LPIN3: variants seen among roughly 807,000 people sequenced by gnomAD.
LPIN3 encodes the protein lipin 3.
In LPIN3, 82 loss-of-function variants were observed where a neutral mutation model predicts 94.7. The ratio of observed to expected loss-of-function variants is 0.87; its 90% CI spans 0.72 to 1.04. LPIN3 has a LOEUF of 1.04. LPIN3 is among the 50% of genes least tolerant of loss of function. LPIN3 has a pLI of 0.00. For synonymous variants in LPIN3, 418 were observed against 443.3 expected (o/e 0.94, Z 0.72); for missense variants, 996 against 1,090.5 (o/e 0.91, Z 1.22).
intron 1 of LPIN3, among the ~76,000 whole-genome samples, chr20:41,344,191 A>G (rs949829813): frequency 2.0e-5 from 3 of 152,244 alleles, no homozygotes; most frequent in African/African-American, 4.8e-5. Context: ...TTGCTGGTGC[A>G]TACCACATTT....
chr20:41,342,670 G>C (rs577026845), intron 1 of LPIN3, among the ~76,000 whole-genome samples: 1 of 141,628 alleles, frequency 7.1e-6, no homozygotes, highest in South Asian at 2.3e-4. Context: ...GCAGATGTGG[G>C]GGGGCTCACT....
chr20:41,345,715 G>C, intron 1 of LPIN3, 81 bp from the exon 2 acceptor site: 1 of 1,413,272 alleles, frequency 7.1e-7, no homozygotes, highest in Non-Finnish European at 9.7e-7. Context: ...AAACTTGGGG[G>C]TCTGTGTGGT....
At chr20:41,352,324 G>A (rs2046050815) in intron 9 of LPIN3, 104 bp downstream of exon 9, 2 of 1,343,288 alleles carry the variant, frequency 1.5e-6, no homozygotes, top group Middle Eastern at 1.9e-4. Context: ...GTGAGAGGCT[G>A]GGCTTCCCTG....
chr20:41,346,639 G>A (rs1428051010), intron 2 of LPIN3, among the ~76,000 whole-genome samples: 3 of 152,236 alleles, frequency 2.0e-5, no homozygotes, highest in East Asian at 1.9e-4. Context: ...CACTCCGGAG[G>A]CTGAGGCAGG....
At chr20:41,347,408 A>C in intron 2 of LPIN3, 144 bp from the exon 3 acceptor site, 2 of 696,830 alleles carry the variant, frequency 2.9e-6, no homozygotes, top group Non-Finnish European at 5.0e-6. Flanking sequence ...GGGAGCAGCC[A>C]GGCACTTGAG....
intron 5 of LPIN3, 97 bp downstream of exon 5, chr20:41,349,269 A>T (rs545031555): frequency 3.0e-4 from 318 of 1,046,124 alleles, no homozygotes; most frequent in Non-Finnish European, 4.2e-4. Context: ...GGACCCATTT[A>T]ATGTGTTTAC....
chr20:41,346,911 T>C (rs552707393), intron 2 of LPIN3, among the ~76,000 whole-genome samples: 1 of 152,160 alleles, frequency 6.6e-6, no homozygotes, highest in South Asian at 2.1e-4. Context: ...GTGTAGCCTA[T>C]GGGAAATAGT....
chr20:41,357,286 C>A, intron 15 of LPIN3, 75 bp from the exon 16 acceptor site: 1 of 1,597,078 alleles, frequency 6.3e-7, no homozygotes, highest in Non-Finnish European at 8.6e-7. Context: ...GCCCTCCCTT[C>A]CTGGTGGGCC....
chr20:41,351,377 A>G (rs1173036156), intron 7 of LPIN3, among the ~76,000 whole-genome samples: 1 of 150,586 alleles, frequency 6.6e-6, no homozygotes, highest in Non-Finnish European at 1.5e-5. Context: ...GCTCACTGCA[A>G]CCTCTGCCTC....
chr20:41,344,504 A>C (rs1408111692), intron 1 of LPIN3, among the ~76,000 whole-genome samples: 28 of 152,202 alleles, frequency 1.8e-4, no homozygotes, highest in Admixed American at 1.8e-3. Flanking sequence ...CTGAGAGAAG[A>C]AAGTGCTCTG....
chr20:41,342,506 T>A (rs953767485), intron 1 of LPIN3, among the ~76,000 whole-genome samples: 13 of 151,812 alleles, frequency 8.6e-5, no homozygotes, highest in Non-Finnish European at 1.5e-4. Flanking sequence ...ACATGTTAGT[T>A]TGTGGGTGGA....
At chr20:41,357,239 C>A (rs2046241419) in intron 15 of LPIN3, 51 bp downstream of exon 15, 1 of 1,609,566 alleles carries the variant, frequency 6.2e-7, no homozygotes, top group African/African-American at 1.3e-5. Flanking sequence ...TGTGGACTCG[C>A]CTCCCTCTGT....
At chr20:41,346,254 A>C (rs150400595) in intron 2 of LPIN3, among the ~76,000 whole-genome samples, 2 of 152,234 alleles carry the variant, frequency 1.3e-5, no homozygotes, top group Non-Finnish European at 2.9e-5. Context: ...GACCTGGCTC[A>C]GCTTACTAAG....
Position 41,356,049 on chromosome 20 carries a change from T to A in LPIN3, c.1803+15T>A. On this transcript the variant is annotated intron_variant, in intron 14 of 19. Coordinates refer to ENST00000373257, the MANE Select transcript of LPIN3 (RefSeq NM_022896.3). ...CCGATCAGATCGTAAGTGTGGGTTG[T>A]CTGTGTGGAGGTTGGGGAGGGGCTG... 6.2e-7 allele frequency: 1 copy of A among 1,611,786 alleles called. No individual in the cohort carries two copies. The highest frequency in any genetic ancestry group is 8.5e-7 in the Non-Finnish European group (1 of 1,178,250).
Position 41,358,923 on chromosome 20 carries a change from G to A in LPIN3, c.*57G>A. ...CGGCCCAGGACTGGCTAGGTGTCCTGGGGTATAGGAGGGTGGGAATTGGAG... is the reference window on the plus strand; with the variant it reads ...CGGCCCAGGACTGGCTAGGTGTCCTAGGGTATAGGAGGGTGGGAATTGGAG... On this transcript the variant is annotated 3_prime_UTR_variant, in exon 20 of 20. Coordinates refer to ENST00000373257, the MANE Select transcript of LPIN3 (RefSeq NM_022896.3). 2 of 1,597,760 alleles carry A rather than the reference G, an allele frequency of 1.3e-6. No homozygotes were observed. The highest frequency in any genetic ancestry group is 1.7e-6 in the Non-Finnish European group (2 of 1,172,096).
Position 41,357,343 on chromosome 20 carries a change from C to A in LPIN3, c.1953-18C>A. Reference sequence around the variant, plus strand: ...CACGTGGAGCTGCCTTGGAGTAACCCTTCCTCTCTCACTCTAGGTCAGATG... The same window carrying A: ...CACGTGGAGCTGCCTTGGAGTAACCATTCCTCTCTCACTCTAGGTCAGATG... On this transcript the variant is annotated intron_variant, in intron 15 of 19. Coordinates refer to ENST00000373257, the MANE Select transcript of LPIN3 (RefSeq NM_022896.3). 3.1e-6 allele frequency: 5 copies of A among 1,612,628 alleles called. No homozygotes were observed. In the East Asian group the frequency reaches 8.9e-5, roughly 29 times the overall value.
At chr20:41,347,712 G>A in intron 3 of LPIN3, 65 bp downstream of exon 3, 1 of 1,411,270 alleles carries the variant, frequency 7.1e-7, no homozygotes, top group Non-Finnish European at 9.7e-7. Flanking sequence ...TCTGGGCAGA[G>A]CCTTGGGATT....
rs2046296627 is a variant in LPIN3, at chr20:41,358,494, A to AC, written c.2368dup (p.Arg790ProfsTer17). 1 of 1,613,684 alleles carries AC rather than the reference A, an allele frequency of 6.2e-7. No homozygotes were observed. The highest frequency in any genetic ancestry group is 1.3e-5 in the African/African-American group (1 of 74,902). On this transcript the variant is annotated frameshift_variant, in exon 19 of 20. Transcript: ENST00000373257. LOFTEE classifies it low-confidence loss of function (END_TRUNC). Reference sequence around the variant, plus strand: ...CCTGAGTCACGCATCTTCACAGTCAACCCCCGGGGAGAGCTCATCCAGGAG... The same window carrying AC: ...CCTGAGTCACGCATCTTCACAGTCAACCCCCCGGGGAGAGCTCATCCAGGAG...
rs1278499077 is a variant in LPIN3 at position 41,350,189 on chromosome 20, C to T, written c.894C>T (p.Ile298=). The T allele has an allele frequency of 6.2e-7, 1 of 1,613,436 alleles. No homozygotes were observed. The highest frequency in any genetic ancestry group is 1.3e-5 in the African/African-American group (1 of 74,938). The change falls in exon 7 of 20, where the codon ATC becomes ATT. Residue 298 remains isoleucine (I), a synonymous_variant. Coordinates refer to ENST00000373257, the MANE Select transcript of LPIN3 (RefSeq NM_022896.3). The part of the protein sequence containing the change: ...AGGVDPLGLP[I]QQTEAGADLQ... ...GCGTGGACCCTTTGGGACTCCCAATCCAGCAAACAGAGGCTGGTGCCGACC... is the reference window on the plus strand; with the variant it reads ...GCGTGGACCCTTTGGGACTCCCAATTCAGCAAACAGAGGCTGGTGCCGACC...
Sources: gnomAD v4.1 joint callset for allele counts (sites outside exome capture counted in the v4.1 genomes callset) on GRCh38, gnomAD v4.1.1 for gene constraint, MANE v1.5 for transcripts, NCBI Gene and HGNC (gene_info 2026-07-23, HGNC 2026-07-21) for gene names.